Variants in BCAS1 observed in about 807,000 individuals in gnomAD.
BCAS1 encodes the protein brain enriched myelin associated protein 1, also known as breast carcinoma-amplified sequence 1.
Under a neutral mutation model 65.4 loss-of-function variants are expected in BCAS1, and 46 were observed. The observed-to-expected ratio is 0.70, with a 90% CI of 0.55 to 0.90. BCAS1 has a LOEUF of 0.90. Among genes scored for constraint, BCAS1 ranks in the 40% least tolerant of loss-of-function variants. The pLI is 0.00. For missense variants in BCAS1, 793 were observed against 771.2 expected (o/e 1.03, Z -0.33); for synonymous variants, 298 against 293.5 (o/e 1.02, Z -0.16).
chr20:53,997,808 A>G (rs1287325914), intron 4 of BCAS1, among the ~76,000 whole-genome samples: 1 of 152,132 alleles, frequency 6.6e-6, no homozygotes, highest in Non-Finnish European at 1.5e-5. Flanking sequence ...GTGGCCTGGC[A>G]GTGGGGAGCT....
chr20:53,987,441 C>T (rs373350094), intron 7 of BCAS1, among the ~76,000 whole-genome samples: 6 of 152,164 alleles, frequency 3.9e-5, no homozygotes, highest in South Asian at 2.1e-4. Flanking sequence ...TAGCTCTAAA[C>T]GGTAATTAAA....
intron 4 of BCAS1, among the ~76,000 whole-genome samples, chr20:54,011,253 T>G (rs115065175): frequency 0.013 from 1,948 of 152,044 alleles, 41 homozygotes; most frequent in African/African-American, 0.044. Flanking sequence ...ACTAAAAAAT[T>G]TTGCCCTGTA....
At chr20:54,054,227 A>G (rs1326374023) in intron 3 of BCAS1, among the ~76,000 whole-genome samples, 1 of 152,204 alleles carries the variant, frequency 6.6e-6, no homozygotes, top group East Asian at 1.9e-4. Flanking sequence ...ACAGTTCAAG[A>G]TGAGATTTGG....
At chr20:54,036,651 G>A (rs1028982913) in intron 3 of BCAS1, among the ~76,000 whole-genome samples, 1 of 151,276 alleles carries the variant, frequency 6.6e-6, no homozygotes, top group African/African-American at 2.4e-5. Context: ...TAATTCTGAG[G>A]ATTAAATGAA....
chr20:53,991,320 C>T (rs2090754477), intron 7 of BCAS1, among the ~76,000 whole-genome samples: 1 of 152,206 alleles, frequency 6.6e-6, no homozygotes, highest in Non-Finnish European at 1.5e-5. Context: ...CTTTTCTCTT[C>T]ACAGAACAAA....
chr20:54,068,361 A>G (rs533594789), intron 1 of BCAS1: 2 of 154,532 alleles, frequency 1.3e-5, no homozygotes, highest in South Asian at 4.1e-4. Context: ...GGTAATTTTA[A>G]TTGGAGGCTT....
rs371738512 is a variant in BCAS1 at position 53,998,659 on chromosome 20, G to T, written c.724-2609C>A. Among the ~76,000 whole-genome samples, 223 of 152,336 alleles carry T rather than the reference G, an allele frequency of 1.5e-3. 14 individuals are homozygous for T. The South Asian group carries it at 0.045, about 31-fold the overall frequency. On this transcript the variant is annotated intron_variant, in intron 4 of 12. Coordinates refer to ENST00000688948, the MANE Select transcript of BCAS1 (RefSeq NM_001366298.2). ...CATAGGGGATTACAATTCAACATGA[G>T]ATTTAGGTAAGGACAGATGTGCAAA... is the stretch of plus-strand genomic sequence containing the variant.
At chr20:53,999,548 T>C (rs1017190778) in intron 4 of BCAS1, among the ~76,000 whole-genome samples, 7 of 152,026 alleles carry the variant, frequency 4.6e-5, no homozygotes, top group African/African-American at 1.7e-4. Context: ...TTCTCATTGC[T>C]TTCCTGCCCG....
intron 12 of BCAS1, among the ~76,000 whole-genome samples, 162 bp from the exon 13 acceptor site, chr20:53,945,158 G>A (rs1160029750): frequency 2.0e-5 from 3 of 152,150 alleles, no homozygotes; most frequent in Non-Finnish European, 4.4e-5. Flanking sequence ...TCAGATGCCC[G>A]GGTTCGATAC....
chr20:53,961,829 C>A (rs382133), intron 10 of BCAS1, among the ~76,000 whole-genome samples: 1 of 152,040 alleles, frequency 6.6e-6, no homozygotes, highest in Non-Finnish European at 1.5e-5. Flanking sequence ...TACCAGCTCC[C>A]GGACCGTGGA....
At chr20:53,974,266 C>T (rs1470245068) in intron 9 of BCAS1, among the ~76,000 whole-genome samples, 1 of 152,202 alleles carries the variant, frequency 6.6e-6, no homozygotes, top group African/African-American at 2.4e-5. Context: ...AAGCTTTGTT[C>T]TTTCCCTCTT....
chr20:53,948,656 T>C (rs946421431), intron 12 of BCAS1, among the ~76,000 whole-genome samples: 1 of 152,222 alleles, frequency 6.6e-6, no homozygotes, highest in Admixed American at 6.5e-5. Flanking sequence ...CTGCCTTATA[T>C]ACCAGGACTA....
chr20:54,065,134 ATC>A (rs2146368909), intron 1 of BCAS1, among the ~76,000 whole-genome samples: 1 of 141,322 alleles, frequency 7.1e-6, no homozygotes, highest in African/African-American at 2.5e-5. Context: ...CTATCTATCT[ATC>A]TATCTATCTA....
intron 12 of BCAS1, among the ~76,000 whole-genome samples, chr20:53,946,230 C>T (rs6127029): frequency 0.048 from 7,317 of 152,014 alleles, 385 homozygotes; most frequent in East Asian, 0.3. Flanking sequence ...ATGGTTCTGT[C>T]CCCCCTCAGA....
intron 4 of BCAS1, among the ~76,000 whole-genome samples, chr20:54,020,639 C>T (rs1730047808): frequency 6.6e-6 from 1 of 152,198 alleles, no homozygotes; most frequent in Admixed American, 6.5e-5. Context: ...AGCCATTGTG[C>T]TAGGCATTGG....
intron 1 of BCAS1, among the ~76,000 whole-genome samples, chr20:54,067,766 G>A (rs185559962): frequency 2.6e-5 from 4 of 152,210 alleles, no homozygotes; most frequent in Non-Finnish European, 2.9e-5. Flanking sequence ...GAATGGGAGG[G>A]GGGGTGGTTT....
intron 3 of BCAS1, among the ~76,000 whole-genome samples, chr20:54,046,520 C>T (rs1272143084): frequency 2.3e-5 from 3 of 131,614 alleles, no homozygotes; most frequent in African/African-American, 8.8e-5. Flanking sequence ...CAGCGCGAGA[C>T]TCCATCTCAA....
intron 10 of BCAS1, among the ~76,000 whole-genome samples, chr20:53,961,796 G>A (rs988447400): frequency 1.3e-5 from 2 of 152,190 alleles, no homozygotes; most frequent in Non-Finnish European, 2.9e-5. Flanking sequence ...AACAAACTGA[G>A]TTGGAATTCT....
intron 10 of BCAS1, among the ~76,000 whole-genome samples, chr20:53,965,065 T>G (rs1348815679): frequency 1.3e-5 from 2 of 152,184 alleles, no homozygotes; most frequent in Non-Finnish European, 2.9e-5. Flanking sequence ...AAAATTGGTT[T>G]TAAAAAAAAT....
Sources: allele counts gnomAD v4.1 joint callset (sites outside exome capture counted in the v4.1 genomes callset), GRCh38; gene constraint gnomAD v4.1.1; transcripts MANE v1.5; gene names NCBI Gene and HGNC (gene_info 2026-07-23, HGNC 2026-07-21).